Variants in NAV2 observed in about 807,000 individuals in gnomAD.
NAV2 encodes the protein neuron navigator 2.
In NAV2, 54 loss-of-function variants were observed where a neutral mutation model predicts 223.2. The ratio of observed to expected loss-of-function variants is 0.24; its 90% CI spans 0.19 to 0.30. The LOEUF is 0.30. Among genes scored for constraint, NAV2 ranks in the 10% least tolerant of loss-of-function variants. The pLI, the probability that NAV2 is intolerant of heterozygous loss-of-function variation, is 1.00. For synonymous variants in NAV2, 1,279 were observed against 1,239.3 expected (o/e 1.03, Z -0.67); for missense variants, 2,806 against 3,147.5 (o/e 0.89, Z 2.60).
intron 22 of NAV2, among the ~76,000 whole-genome samples, chr11:20,072,254 G>A (rs1352679858): frequency 1.3e-5 from 2 of 152,152 alleles, no homozygotes; most frequent in African/African-American, 4.8e-5. Flanking sequence ...TTGTAGATGT[G>A]TGGCATTATT....
chr11:19,831,131 C>T (rs2059904434), intron 1 of NAV2, among the ~76,000 whole-genome samples: 1 of 149,892 alleles, frequency 6.7e-6, no homozygotes, highest in Admixed American at 6.7e-5. Flanking sequence ...CCCTCATGGT[C>T]CCCAGGTGGA....
upstream of NAV2, chr11:19,712,676 G>C (rs887106105): frequency 1.3e-5 from 2 of 152,126 alleles, no homozygotes; most frequent in South Asian, 2.1e-4. Flanking sequence ...CTTTGTACTC[G>C]CGGCCAAGCG....
At chr11:19,444,091 T>C (rs1851499170) in intron 1 of NAV2, among the ~76,000 whole-genome samples, 1 of 152,124 alleles carries the variant, frequency 6.6e-6, no homozygotes, top group Non-Finnish European at 1.5e-5. Flanking sequence ...CCAGCCACCA[T>C]GACACCACGA....
chr11:19,879,849 G>C lies in NAV2; in HGVS notation c.512-20G>C. The stretch of plus-strand genomic sequence containing the variant: ...AAGAAGAGCTCCCCATCTGACAAGA[G>C]TCTCTTTATTGTCTTGCAGAGATCA... On this transcript the variant is annotated intron_variant, in intron 4 of 37. Coordinates refer to ENST00000349880, the MANE Select transcript of NAV2 (RefSeq NM_145117.5). The C allele has an allele frequency of 6.2e-7, 1 of 1,613,834 alleles. No individual in the cohort carries two copies. Among genetic ancestry groups the C allele is most frequent in the Non-Finnish European group, 8.5e-7 (1 of 1,179,978 alleles).
At chr11:19,808,514 T>C (rs1202402413) in intron 1 of NAV2, among the ~76,000 whole-genome samples, 1 of 152,244 alleles carries the variant, frequency 6.6e-6, no homozygotes, top group African/African-American at 2.4e-5. Context: ...GGAATTAATT[T>C]GTCACTTTAT....
rs1447186933 is a variant in NAV2, at chr11:20,080,220, A to C, written c.5325+11A>C. On this transcript the variant is annotated intron_variant, in intron 25 of 37. Transcript: ENST00000349880. ...AAGCGGAAGAACTGGGTGAGTGCAC[A>C]TCCACTCTCCTGGGGACTGACGGAC... 3.7e-6 allele frequency: 6 copies of C among 1,612,454 alleles called. No homozygotes were observed. Among genetic ancestry groups the C allele is most frequent in the Non-Finnish European group, 4.2e-6 (5 of 1,178,904 alleles).
chr11:19,725,169 T>C (rs1468462990), intron 1 of NAV2, among the ~76,000 whole-genome samples: 2 of 152,246 alleles, frequency 1.3e-5, no homozygotes, highest in Non-Finnish European at 2.9e-5. Context: ...AGATGGATAC[T>C]TTTGTGATTG....
intron 1 of NAV2, among the ~76,000 whole-genome samples, chr11:19,407,793 A>G (rs1313061469): frequency 1.3e-5 from 2 of 151,972 alleles, no homozygotes; most frequent in South Asian, 2.1e-4. Context: ...GCTTTGTCCA[A>G]TCAGCACTGT....
chr11:19,628,284 G>C (rs1353426072), intron 1 of NAV2, among the ~76,000 whole-genome samples: 1 of 152,198 alleles, frequency 6.6e-6, no homozygotes. Context: ...GTTCCTGGGT[G>C]AGGAGCAAGG....
chr11:19,520,708 A>C (rs2134320294), intron 1 of NAV2, among the ~76,000 whole-genome samples: 1 of 152,316 alleles, frequency 6.6e-6, no homozygotes, highest in South Asian at 2.1e-4. Flanking sequence ...TATCAAAGAC[A>C]GCTCAGATTT....
Position 19,981,512 on chromosome 11 carries a change from G to T in NAV2, c.2646-2613G>T, listed in dbSNP as rs141473747. Reference sequence around the variant, plus strand: ...AGCAATAAAAATCCAGCAGGGAAATGAATGCTAAAATTAGTTTGTTTGTCC... The same window carrying T: ...AGCAATAAAAATCCAGCAGGGAAATTAATGCTAAAATTAGTTTGTTTGTCC... On this transcript the variant is annotated intron_variant, in intron 10 of 37. Transcript: ENST00000349880. Among the ~76,000 whole-genome samples the T allele has an allele frequency of 1.7e-3, 261 of 152,320 alleles. 1 individual carries two copies. The highest frequency in any genetic ancestry group is 5.8e-3 in the African/African-American group (241 of 41,576).
Position 19,489,640 on chromosome 11 carries a change from A to T in NAV2, c.75+138613A>T, listed in dbSNP as rs79182915. 2.0e-4 allele frequency among the ~76,000 whole-genome samples: 31 copies of T among 152,362 alleles called. No homozygotes were observed. In the East Asian group the frequency reaches 5.6e-3, roughly 27 times the overall value. On this transcript the variant is annotated intron_variant, in intron 1 of 37. Transcript: ENST00000360655. ...AGTTGGTGCTCAGCACATGCTAGAG[A>T]ATCACCTGTGCCTGATTCTCAGCTC...
intron 1 of NAV2, among the ~76,000 whole-genome samples, chr11:19,560,088 A>G (rs1457198934): frequency 6.6e-6 from 1 of 152,198 alleles, no homozygotes; most frequent in African/African-American, 2.4e-5. Flanking sequence ...CCAAGTTATG[A>G]CTTTCTAATT....
chr11:19,348,486 C>T (rs1853119645), upstream of NAV2, among the ~76,000 whole-genome samples: 1 of 152,162 alleles, frequency 6.6e-6, no homozygotes, highest in South Asian at 2.1e-4. Flanking sequence ...AAGTTTTAGA[C>T]CCACACTTCC....
chr11:19,967,536 G>C (rs1302860826), intron 10 of NAV2, among the ~76,000 whole-genome samples: 3 of 152,138 alleles, frequency 2.0e-5, no homozygotes, highest in Non-Finnish European at 2.9e-5. Flanking sequence ...GACCAAACTT[G>C]AACCATAGGT....
At chr11:19,547,039 A>G (rs1356546435) in intron 1 of NAV2, among the ~76,000 whole-genome samples, 1 of 152,176 alleles carries the variant, frequency 6.6e-6, no homozygotes, top group African/African-American at 2.4e-5. Context: ...GAGTGGGTGC[A>G]CCGGAACTGT....
At chr11:19,758,748 C>T (rs768341297) in intron 1 of NAV2, among the ~76,000 whole-genome samples, 2 of 152,314 alleles carry the variant, frequency 1.3e-5, no homozygotes, top group Non-Finnish European at 2.9e-5. Context: ...GTTCCCTCCA[C>T]GCCAGCTCGG....
At chr11:19,362,530 G>A (rs1237156744) in intron 1 of NAV2, among the ~76,000 whole-genome samples, 4 of 152,082 alleles carry the variant, frequency 2.6e-5, no homozygotes, top group Non-Finnish European at 5.9e-5. Flanking sequence ...ATACCACCAG[G>A]AGTACACAGA....
At chr11:19,658,344 C>T (rs2048183736) in intron 1 of NAV2, among the ~76,000 whole-genome samples, 1 of 152,152 alleles carries the variant, frequency 6.6e-6, no homozygotes, top group Non-Finnish European at 1.5e-5. Flanking sequence ...ATTCAATCAT[C>T]ACAACAGCCA....
Sources: gnomAD v4.1 joint callset for allele counts (sites outside exome capture counted in the v4.1 genomes callset) on GRCh38, gnomAD v4.1.1 for gene constraint, MANE v1.5 for transcripts, NCBI Gene and HGNC (gene_info 2026-07-23, HGNC 2026-07-21) for gene names.